The following ZNF407 variants were observed in gnomAD, a reference collection of about 807,000 sequenced individuals.
The protein encoded by ZNF407 is zinc finger protein 407.
Under a neutral mutation model 131.2 loss-of-function variants are expected in ZNF407, and 17 were observed. That is an observed-to-expected ratio of 0.13 (90% confidence interval 0.09 to 0.19). ZNF407 has a LOEUF of 0.19. Among genes scored for constraint, ZNF407 ranks in the 10% least tolerant of loss-of-function variants. ZNF407 has a pLI of 1.00. For missense variants in ZNF407, 2,681 were observed against 2,830.6 expected (o/e 0.95, Z 1.20); for synonymous variants, 1,156 against 1,062.0 (o/e 1.09, Z -1.72).
At chr18:74,623,703 GA>G (rs986523260) in intron 1 of ZNF407, among the ~76,000 whole-genome samples, 24 of 150,104 alleles carry the variant, frequency 1.6e-4, no homozygotes, top group African/African-American at 5.9e-4. Context: ...TTTCTTTATT[GA>G]AACTTTTTTT....
intron 4 of ZNF407, among the ~76,000 whole-genome samples, chr18:74,809,171 C>G (rs112837749): frequency 1.8e-3 from 267 of 152,310 alleles, no homozygotes; most frequent in African/African-American, 5.6e-3. Context: ...CAATTTTATG[C>G]AAAAGTGAAA....
intron 1 of ZNF407, among the ~76,000 whole-genome samples, chr18:74,620,683 T>G (rs1390165842): frequency 6.6e-6 from 1 of 152,198 alleles, no homozygotes; most frequent in African/African-American, 2.4e-5. Flanking sequence ...AAGTTCTTTG[T>G]AGGGTCAGGC....
At chr18:74,880,451 A>G (rs539394339) in intron 5 of ZNF407, among the ~76,000 whole-genome samples, 77 of 152,292 alleles carry the variant, frequency 5.1e-4, no homozygotes, top group Middle Eastern at 6.8e-3. Flanking sequence ...AGAAACATAA[A>G]CAGCATTGAA....
chr18:75,040,736 A>G (rs530658845), intron 8 of ZNF407, among the ~76,000 whole-genome samples: 7 of 152,310 alleles, frequency 4.6e-5, no homozygotes, highest in South Asian at 4.1e-4. Context: ...ATTAGCCTAT[A>G]TGGATGCTGC....
chr18:74,998,339 C>A (rs1972803020), intron 8 of ZNF407, among the ~76,000 whole-genome samples: 1 of 152,166 alleles, frequency 6.6e-6, no homozygotes, highest in Non-Finnish European at 1.5e-5. Context: ...CCCATCCTTC[C>A]CAGGCTGTCT....
At chr18:74,883,978 T>TA (rs1475175606) in intron 6 of ZNF407, among the ~76,000 whole-genome samples, 1 of 152,192 alleles carries the variant, frequency 6.6e-6, no homozygotes, top group Non-Finnish European at 1.5e-5. Context: ...CCTGTTGACT[T>TA]ACAGATAACA....
Position 74,890,168 on chromosome 18 carries a change from C to G in ZNF407, c.5249+130C>G. ...CATATATTCGGTTGGGAGCTAATTA[C>G]CTAATTTTAGTGACTTTTAAAAATA... On this transcript the variant is annotated intron_variant, in intron 7 of 8. Transcript: ENST00000299687. 2.8e-6 allele frequency: 3 copies of G among 1,079,952 alleles called. 1 individual carries two copies. The allele number at this position is 1,079,952 out of a possible 1,614,324, so 66.9% of individuals were successfully genotyped here. A position where few individuals can be genotyped will look rare whatever the true frequency, so the allele number is the denominator to read the frequency against.
intron 4 of ZNF407, among the ~76,000 whole-genome samples, chr18:74,876,175 A>G (rs1971153442): frequency 6.6e-6 from 1 of 152,230 alleles, no homozygotes; most frequent in African/African-American, 2.4e-5. Context: ...TATTAAACTC[A>G]TAGTTCTGAT....
At chr18:74,885,733 A>G (rs910238269) in intron 6 of ZNF407, among the ~76,000 whole-genome samples, 1 of 152,190 alleles carries the variant, frequency 6.6e-6, no homozygotes, top group Non-Finnish European at 1.5e-5. Context: ...TCTTTTCAAC[A>G]TTCTATGTTG....
intron 7 of ZNF407, among the ~76,000 whole-genome samples, chr18:74,919,359 A>G (rs1599243474): frequency 6.6e-6 from 1 of 152,226 alleles, no homozygotes; most frequent in Admixed American, 6.5e-5. Context: ...AGAAACGTTC[A>G]GGCACTGTAG....
chr18:74,885,362 T>C (rs937699965), intron 6 of ZNF407, among the ~76,000 whole-genome samples: 1 of 152,220 alleles, frequency 6.6e-6, no homozygotes, highest in Non-Finnish European at 1.5e-5. Flanking sequence ...GAAGAAGATC[T>C]GAACAGAGTG....
chr18:74,798,383 C>G (rs1969961356), intron 4 of ZNF407, among the ~76,000 whole-genome samples: 1 of 151,688 alleles, frequency 6.6e-6, no homozygotes, highest in Non-Finnish European at 1.5e-5. Flanking sequence ...AAAAGGAAGG[C>G]AAGGAAGAAT....
chr18:74,779,660 G>C (rs1969558855), intron 3 of ZNF407, among the ~76,000 whole-genome samples: 1 of 152,004 alleles, frequency 6.6e-6, no homozygotes, highest in African/African-American at 2.4e-5. Context: ...CATTGTATTA[G>C]GCAAAAGCTT....
intron 4 of ZNF407, among the ~76,000 whole-genome samples, chr18:74,810,258 G>A (rs1358796126): frequency 1.3e-5 from 2 of 152,118 alleles, no homozygotes; most frequent in South Asian, 2.1e-4. Context: ...GCGGTGGACT[G>A]GAGAAGGCAA....
chr18:74,961,759 G>A (rs1972348232), intron 8 of ZNF407, among the ~76,000 whole-genome samples: 1 of 151,376 alleles, frequency 6.6e-6, no homozygotes. Context: ...GATAATTGCA[G>A]TAGAATGAGG....
At chr18:74,914,938 C>G (rs1415757858) in intron 7 of ZNF407, among the ~76,000 whole-genome samples, 1 of 152,202 alleles carries the variant, frequency 6.6e-6, no homozygotes, top group Non-Finnish European at 1.5e-5. Flanking sequence ...CTTCCTAGTT[C>G]ATTACAGATG....
intron 6 of ZNF407, among the ~76,000 whole-genome samples, chr18:74,886,661 A>G (rs1971314395): frequency 6.6e-6 from 1 of 152,246 alleles, no homozygotes; most frequent in African/African-American, 2.4e-5. Context: ...AATTCATACC[A>G]TAAGTATCTA....
chr18:74,886,698 A>G (rs1017458647), intron 6 of ZNF407, among the ~76,000 whole-genome samples: 3 of 152,194 alleles, frequency 2.0e-5, no homozygotes. Flanking sequence ...GGAAATGCTA[A>G]CTAATATAAT....
chr18:74,614,452 T>G (rs1983196153), intron 1 of ZNF407, among the ~76,000 whole-genome samples: 1 of 152,232 alleles, frequency 6.6e-6, no homozygotes, highest in Non-Finnish European at 1.5e-5. Context: ...GTACAGTGCA[T>G]GCATGCTTTT....
Sources: gnomAD v4.1 joint callset for allele counts (sites outside exome capture counted in the v4.1 genomes callset) on GRCh38, gnomAD v4.1.1 for gene constraint, MANE v1.5 for transcripts, NCBI Gene and HGNC (gene_info 2026-07-23, HGNC 2026-07-21) for gene names.